Variants in SH3TC1 observed in about 807,000 individuals in gnomAD.
The protein encoded by SH3TC1 is SH3 domain and tetratricopeptide repeats 1, also known as SH3 domain and tetratricopeptide repeat-containing protein 1.
SH3TC1 carries 135 observed loss-of-function variants against 117.3 expected under a neutral mutation model. The ratio of observed to expected loss-of-function variants is 1.15; its 90% CI spans 1.00 to 1.33. The LOEUF is 1.33. Among genes scored for constraint, SH3TC1 ranks in the 40% most tolerant of loss-of-function variants. The pLI is 0.00. For missense variants in SH3TC1, 2,092 were observed against 1,794.3 expected (o/e 1.17, Z -3.00); for synonymous variants, 898 against 816.9 (o/e 1.10, Z -1.69).
intron 7 of SH3TC1, among the ~76,000 whole-genome samples, chr4:8,217,374 G>T (rs920926930): frequency 6.6e-6 from 1 of 152,232 alleles, no homozygotes; most frequent in African/African-American, 2.4e-5. Flanking sequence ...TGCATGATAG[G>T]CCAATGACAT....
intron 11 of SH3TC1, among the ~76,000 whole-genome samples, chr4:8,226,381 C>T (rs1392117114): frequency 6.6e-6 from 1 of 152,196 alleles, no homozygotes; most frequent in Non-Finnish European, 1.5e-5. Context: ...GGAAGCTTTC[C>T]CATCCTTCCT....
intron 2 of SH3TC1, among the ~76,000 whole-genome samples, chr4:8,207,506 A>T (rs1718308531): frequency 6.6e-6 from 1 of 152,188 alleles, no homozygotes; most frequent in African/African-American, 2.4e-5. Context: ...GGCTGAAATA[A>T]TCCTTGCGAC....
At chr4:8,187,421 G>T (rs185373243) in intron 1 of SH3TC1, among the ~76,000 whole-genome samples, 1 of 152,138 alleles carries the variant, frequency 6.6e-6, no homozygotes, top group Non-Finnish European at 1.5e-5. Context: ...GTCATGCTCC[G>T]CCCACCAGCC....
At chr4:8,236,201 A>C in intron 15 of SH3TC1, 77 bp from the exon 16 acceptor site, 1 of 1,443,790 alleles carries the variant, frequency 6.9e-7, no homozygotes, top group South Asian at 1.4e-5. Context: ...AGCTCCGAGC[A>C]CATGTTTGAG....
chr4:8,238,682 G>A (rs1360283258), intron 17 of SH3TC1, among the ~76,000 whole-genome samples: 1 of 152,188 alleles, frequency 6.6e-6, no homozygotes, highest in Non-Finnish European at 1.5e-5. Flanking sequence ...GCCAGACGGG[G>A]AAGTGCCAGG....
intron 14 of SH3TC1, among the ~76,000 whole-genome samples, chr4:8,233,839 G>C: frequency 8.2e-6 from 1 of 121,364 alleles, no homozygotes; most frequent in Non-Finnish European, 1.7e-5. Context: ...CATCCATCAG[G>C]CATCCATCCT....
At chr4:8,224,778 C>G (rs748014785) in intron 10 of SH3TC1, 2 of 216,314 alleles carry the variant, frequency 9.2e-6, no homozygotes, top group Non-Finnish European at 1.9e-5. Flanking sequence ...GCGCCCTGCT[C>G]CCTGATGGAG....
chr4:8,222,780 AG>A, intron 9 of SH3TC1, 59 bp from the exon 10 acceptor site: 1 of 1,581,080 alleles, frequency 6.3e-7, no homozygotes, highest in Non-Finnish European at 8.7e-7. Flanking sequence ...AAATGTGCTT[AG>A]TGTGAAATGC....
At position 8,205,212 on chromosome 4, in the gene SH3TC1, C is replaced by G; in HGVS notation, c.18C>G (p.Ala6=). 6.5e-7 allele frequency: 1 copy of G among 1,542,536 alleles called. No individual in the cohort carries two copies. The highest frequency in any genetic ancestry group is 2.4e-5 in the East Asian group (1 of 40,910). ...TGCGGGTCATGGAGAACCTCCCTGC[C>G]GTGACCACTGAGGAGCCGACCCCCA... MENLP[A]VTTEEPTPMG... is the part of the protein sequence containing the mutation. Residue 6 remains alanine, a synonymous_variant, in exon 2 of 18, where the codon GCC becomes GCG. Coordinates refer to ENST00000245105, the MANE Select transcript of SH3TC1 (RefSeq NM_018986.5). This position sits in a 1 kb window ranked among gnomAD's most constrained non-coding sequence, Gnocchi z 5.4.
At position 8,228,056 on chromosome 4, in the gene SH3TC1, C is replaced by G. The variant is rs773070259; in HGVS notation, c.2362C>G (p.Leu788Val). 2.6e-5 allele frequency: 42 copies of G among 1,605,504 alleles called. No individual in the cohort carries two copies. Among genetic ancestry groups the G allele is most frequent in the Non-Finnish European group, 7.7e-6 (9 of 1,175,378 alleles). ...PGTGQALRGP[L>V]YTSLAQLYSH... ...CACAGGCCAGGCGCTGCGCGGCCCC[C>G]TCTACACCAGCTTGGCCCAGCTGTA... is the stretch of plus-strand genomic sequence containing the variant. The change falls in exon 12 of 18, where the codon CTC becomes GTC. Residue 788 changes from leucine to valine, a missense_variant. By Grantham distance (32) the Leu-to-Val change is conservative. Transcript: ENST00000245105.
intron 14 of SH3TC1, among the ~76,000 whole-genome samples, chr4:8,233,859 C>A (rs1189771440): frequency 6.6e-6 from 1 of 151,596 alleles, no homozygotes; most frequent in Non-Finnish European, 1.5e-5. Context: ...TTCCATCATC[C>A]ATCCATTCAC....
Position 8,216,275 on chromosome 4 carries a change from T to C in SH3TC1, c.628+18T>C, listed in dbSNP as rs1250024869. 1 of 1,609,402 alleles carries C rather than the reference T, an allele frequency of 6.2e-7. No individual in the cohort carries two copies. The highest frequency in any genetic ancestry group is 2.2e-5 in the East Asian group (1 of 44,842). ...CCAAGAAGGTGAGCGTTGCATGGGG[T>C]GATGGCCGAGATCCAGCTGTGCGGG... is the stretch of plus-strand genomic sequence containing the variant. On this transcript the variant is annotated intron_variant, in intron 6 of 17. Coordinates refer to ENST00000245105, the MANE Select transcript of SH3TC1 (RefSeq NM_018986.5).
intron 4 of SH3TC1, 25 bp from the exon 5 acceptor site, chr4:8,214,450 C>G: frequency 1.2e-6 from 2 of 1,606,516 alleles, no homozygotes; most frequent in Non-Finnish European, 1.7e-6. Context: ...GGGGACCTCT[C>G]GAATTCCTAT....
At chr4:8,212,954 C>G (rs139648827) in intron 4 of SH3TC1, 126 bp downstream of exon 4, 99 of 1,310,572 alleles carry the variant, frequency 7.6e-5, no homozygotes, top group Non-Finnish European at 9.6e-5. Flanking sequence ...CCACTCAGGA[C>G]AGTGGTGGCC....
At chr4:8,220,819 G>C (rs960152287) in intron 9 of SH3TC1, among the ~76,000 whole-genome samples, 10 of 152,216 alleles carry the variant, frequency 6.6e-5, no homozygotes, top group African/African-American at 2.4e-4. Context: ...CTCATGGAAA[G>C]GGTCCGTCTG....
At position 8,225,085 on chromosome 4, in the gene SH3TC1, C is replaced by A; in HGVS notation, c.1244-90C>A. On this transcript the variant is annotated intron_variant, in intron 10 of 17. Coordinates refer to ENST00000245105, the MANE Select transcript of SH3TC1 (RefSeq NM_018986.5). This position sits in a 1 kb window ranked among gnomAD's most constrained non-coding sequence, Gnocchi z 5.5. ...CAATACCTGCACCCAGCAATGCTCT[C>A]ACCCTGCAACATCGACACTAGCTCA... The A allele has an allele frequency of 6.7e-7, 1 of 1,491,052 alleles. No homozygotes were observed. Among genetic ancestry groups the A allele is most frequent in the Non-Finnish European group, 9.3e-7 (1 of 1,080,300 alleles). 92.4% of individuals were successfully genotyped at this position (1,491,052 alleles called of 1,614,324 possible).
chr4:8,215,432 C>T (rs1719161957), intron 5 of SH3TC1, among the ~76,000 whole-genome samples: 1 of 152,212 alleles, frequency 6.6e-6, no homozygotes. Context: ...ACGTGGGCTT[C>T]TTGATCCGGT....
chr4:8,205,111 C>G lies in SH3TC1; in HGVS notation c.-28-56C>G. ...TCTGGACCCCAGGCCTGGACACAACCTCCGTGCTGGTTCTGGAGGGGCCAC... is the reference window on the plus strand; with the variant it reads ...TCTGGACCCCAGGCCTGGACACAACGTCCGTGCTGGTTCTGGAGGGGCCAC... On this transcript the variant is annotated intron_variant, in intron 1 of 17. Transcript: ENST00000245105. This position sits in a 1 kb window ranked among gnomAD's most constrained non-coding sequence, Gnocchi z 5.4. 1.4e-6 allele frequency: 2 copies of G among 1,391,596 alleles called. No homozygotes were observed. Among genetic ancestry groups the G allele is most frequent in the Non-Finnish European group, 1.9e-6 (2 of 1,051,756 alleles). The allele number at this position is 1,391,596 out of a possible 1,614,324, so 86.2% of individuals were successfully genotyped here.
rs1578756778 is a variant in SH3TC1, at chr4:8,237,424, T to C, written c.3557-50T>C. 7 of 1,437,656 alleles carry C rather than the reference T, an allele frequency of 4.9e-6. No individual in the cohort carries two copies. The East Asian group carries it at 7.8e-5, about 16-fold the overall frequency. The allele number at this position is 1,437,656 out of a possible 1,614,324, so 89.1% of individuals were successfully genotyped here. On this transcript the variant is annotated intron_variant, in intron 16 of 17. Transcript: ENST00000245105. ...CAGGTGCTGCCGGGGTCTGCATGCCTGCCCCGGGGAGCCACGTCCTCACAC... is the reference window on the plus strand; with the variant it reads ...CAGGTGCTGCCGGGGTCTGCATGCCCGCCCCGGGGAGCCACGTCCTCACAC...
Sources: gnomAD v4.1 joint callset for allele counts (sites outside exome capture counted in the v4.1 genomes callset) on GRCh38, gnomAD v4.1.1 for gene constraint, Gnocchi (gnomAD v3.1) non-coding constraint, MANE v1.5 for transcripts, NCBI Gene and HGNC (gene_info 2026-07-23, HGNC 2026-07-21) for gene names.